RCAN1: variants seen among roughly 807,000 people sequenced by gnomAD.
The protein encoded by RCAN1 is calcipressin-1.
A neutral mutation model predicts 22.9 loss-of-function variants in RCAN1; 11 were observed. The observed-to-expected ratio is 0.48, with a 90% CI of 0.30 to 0.79. RCAN1 has a LOEUF of 0.79. Ranked by LOEUF, RCAN1 falls within the 30% of genes least tolerant of loss-of-function variation. RCAN1 has a pLI of 0.06. For synonymous variants in RCAN1, 136 were observed against 142.3 expected (o/e 0.96, Z 0.32); for missense variants, 291 against 337.8 (o/e 0.86, Z 1.09).
At chr21:34,525,432 T>C in intron 1 of RCAN1, 3 of 1,395,850 alleles carry the variant, frequency 2.1e-6, no homozygotes, top group South Asian at 3.3e-5. Flanking sequence ...CCTCTCACTC[T>C]TTTTCCCCAC....
At chr21:34,583,767 C>A (rs1251394275) in intron 1 of RCAN1, among the ~76,000 whole-genome samples, 2 of 152,132 alleles carry the variant, frequency 1.3e-5, no homozygotes, top group Non-Finnish European at 2.9e-5. Flanking sequence ...ATAGAGATAG[C>A]CTCAATTTTG....
chr21:34,534,365 C>A (rs9976421), intron 1 of RCAN1, among the ~76,000 whole-genome samples: 1 of 151,832 alleles, frequency 6.6e-6, no homozygotes, highest in Non-Finnish European at 1.5e-5. Context: ...GGAGCTCCCC[C>A]ATCCCCCAAC....
intron 1 of RCAN1, among the ~76,000 whole-genome samples, chr21:34,612,216 C>T (rs1481436546): frequency 1.3e-5 from 2 of 152,192 alleles, no homozygotes; most frequent in African/African-American, 4.8e-5. Context: ...CCATTCTCCA[C>T]CAAGATGTGC....
chr21:34,609,389 T>G (rs1475632284), intron 1 of RCAN1, among the ~76,000 whole-genome samples: 1 of 152,172 alleles, frequency 6.6e-6, no homozygotes, highest in Non-Finnish European at 1.5e-5. Flanking sequence ...GCATAGACAA[T>G]GTACACCCAG....
intron 1 of RCAN1, among the ~76,000 whole-genome samples, chr21:34,547,262 AT>A (rs1234396128): frequency 6.6e-6 from 1 of 152,190 alleles, no homozygotes; most frequent in Non-Finnish European, 1.5e-5. Context: ...GTCCAGGCCC[AT>A]CACAGCAGCC....
In RCAN1 at chr21:34,585,742, CAAA is replaced by C. The variant is rs59014706; in HGVS notation, c.252+29015_252+29017del. Among the ~76,000 whole-genome samples the C allele has an allele frequency of 8.7e-5, 4 of 45,976 alleles. No individual in the cohort carries two copies. The East Asian group carries it at 1.8e-3, about 21-fold the overall frequency. 30.2% of individuals were successfully genotyped at this position (45,976 alleles called of 152,430 possible). On this transcript the variant is annotated intron_variant, in intron 1 of 3. Coordinates refer to ENST00000313806, the MANE Select transcript of RCAN1 (RefSeq NM_004414.7). The stretch of plus-strand genomic sequence containing the variant: ...TGGGTGACAGAGCGAGACTCCATCT[CAAA>C]AAAAAAAAAAAAAAAAAAACATAAT...
intron 1 of RCAN1, among the ~76,000 whole-genome samples, chr21:34,563,767 A>AT (rs1568911189): frequency 9.5e-4 from 94 of 99,366 alleles, no homozygotes; most frequent in East Asian, 2.9e-3. Flanking sequence ...AAAAAAAAAA[A>AT]AAAATATATA....
chr21:34,523,914 C>G (rs1984808620), intron 1 of RCAN1: 1 of 407,788 alleles, frequency 2.5e-6, no homozygotes, highest in African/African-American at 2.1e-5. Flanking sequence ...TCCCGAGTAG[C>G]TGGGGTTACA....
intron 1 of RCAN1, among the ~76,000 whole-genome samples, chr21:34,598,414 G>T (rs12482676): frequency 0.15 from 22,812 of 152,188 alleles, 2,077 homozygotes; most frequent in South Asian, 0.24. Context: ...GAGCATATTT[G>T]ATCATTTAGG....
At chr21:34,585,794 G>T (rs1376311172) in intron 1 of RCAN1, among the ~76,000 whole-genome samples, 1 of 147,144 alleles carries the variant, frequency 6.8e-6, no homozygotes, top group African/African-American at 2.5e-5. Flanking sequence ...AGAAAGAAAA[G>T]GAATATAGAA....
chr21:34,581,485 T>C (rs1668377328), intron 1 of RCAN1, among the ~76,000 whole-genome samples: 1 of 151,976 alleles, frequency 6.6e-6, no homozygotes, highest in South Asian at 2.1e-4. Flanking sequence ...CCCTCATACC[T>C]GAAAAGCCCC....
At chr21:34,521,276 G>C in intron 3 of RCAN1, 1 of 1,443,808 alleles carries the variant, frequency 6.9e-7, no homozygotes, top group Non-Finnish European at 9.1e-7. Context: ...CGTGATGCAG[G>C]GTCCCCACGA....
chr21:34,584,655 G>T (rs149208385), intron 1 of RCAN1, among the ~76,000 whole-genome samples: 19 of 152,306 alleles, frequency 1.2e-4, no homozygotes, highest in Non-Finnish European at 2.1e-4. Flanking sequence ...GGACAGCCAG[G>T]GGGAAAACTA....
intron 1 of RCAN1, among the ~76,000 whole-genome samples, chr21:34,566,111 G>C (rs1368949510): frequency 2.0e-5 from 3 of 152,220 alleles, no homozygotes; most frequent in Non-Finnish European, 4.4e-5. Context: ...AGATGAAATG[G>C]GCTGTCTAGG....
chr21:34,527,818 T>G (rs1985159851), intron 1 of RCAN1, among the ~76,000 whole-genome samples: 1 of 147,948 alleles, frequency 6.8e-6, no homozygotes, highest in Non-Finnish European at 1.5e-5. Context: ...CATAAATGGG[T>G]TAAGAGGTCC....
intron 1 of RCAN1, among the ~76,000 whole-genome samples, chr21:34,528,122 T>C (rs1985179268): frequency 6.6e-6 from 1 of 152,236 alleles, no homozygotes; most frequent in Admixed American, 6.5e-5. Flanking sequence ...TTCTCTGATT[T>C]AGGGGCACAC....
At position 34,614,986 on chromosome 21, in the gene RCAN1, T is replaced by C. The variant is rs1601232890; in HGVS notation, c.26A>G (p.Gln9Arg). Residue 9 changes from glutamine to arginine, a missense_variant, in exon 1 of 4, where the codon CAG (glutamine) becomes CGG (arginine). Physicochemically the swap from Gln to Arg is conservative, Grantham distance 43. Transcript: ENST00000313806. The surrounding 1 kb of genome is among the most constrained non-coding windows in gnomAD (Gnocchi z 6.0). ...CGCCGCCTCCGCCGCGGCCCCGAGC[T>C]GGGGACCGGCCACGCCGTCCTCCAT... Reference protein sequence around the residue: MEDGVAGPQLGAAAEAAEA... With the variant: MEDGVAGPRLGAAAEAAEA... The C allele has an allele frequency of 1.8e-6, 2 of 1,110,126 alleles. No homozygotes were observed. Among genetic ancestry groups the C allele is most frequent in the African/African-American group, 1.7e-5 (1 of 59,728 alleles). 68.8% of individuals were successfully genotyped at this position (1,110,126 alleles called of 1,614,324 possible).
intron 1 of RCAN1, among the ~76,000 whole-genome samples, chr21:34,587,793 A>C (rs1383570573): frequency 1.3e-5 from 2 of 152,086 alleles, no homozygotes; most frequent in African/African-American, 4.8e-5. Flanking sequence ...TGGTGCCCAG[A>C]TACCAGATAT....
At chr21:34,592,513 G>A (rs765152779) in intron 1 of RCAN1, among the ~76,000 whole-genome samples, 1 of 152,140 alleles carries the variant, frequency 6.6e-6, no homozygotes, top group Admixed American at 6.5e-5. Context: ...CCAGCACTAG[G>A]ATTAGATGGC....
Sources: allele counts gnomAD v4.1 joint callset (sites outside exome capture counted in the v4.1 genomes callset), GRCh38; gene constraint gnomAD v4.1.1; non-coding constraint Gnocchi (gnomAD v3.1); transcripts MANE v1.5; gene names NCBI Gene and HGNC (gene_info 2026-07-23, HGNC 2026-07-21).